NKD2: variants seen among roughly 807,000 people sequenced by gnomAD.
The protein encoded by NKD2 is protein naked cuticle homolog 2.
Under a neutral mutation model 34.8 loss-of-function variants are expected in NKD2, and 43 were observed. That is an observed-to-expected ratio of 1.24 (90% CI 0.97 to 1.60). NKD2 has a LOEUF of 1.60. Ranked by LOEUF, NKD2 falls within the 40% of genes most tolerant of loss-of-function variation. The pLI, the probability that NKD2 is intolerant of heterozygous loss-of-function variation, is 0.00. For synonymous variants in NKD2, 278 were observed against 265.1 expected, an observed-to-expected ratio of 1.05 and a Z score of -0.47; for missense variants, 675 against 627.1, an observed-to-expected ratio of 1.08 and a Z score of -0.82.
intron 3 of NKD2, among the ~76,000 whole-genome samples, chr5:1,018,972 G>A (rs566414812): frequency 5.9e-5 from 9 of 152,296 alleles, no homozygotes; most frequent in Non-Finnish European, 1.0e-4. Context: ...GGGACGTCAC[G>A]CCTCTGTCCA....
intron 7 of NKD2, 119 bp from the exon 8 acceptor site, chr5:1,035,266 ATGAG>A (rs758815011): frequency 6.3e-5 from 49 of 775,700 alleles, no homozygotes; most frequent in Non-Finnish European, 9.5e-5. Flanking sequence ...GAGTTAATGA[ATGAG>A]TGAACCAGTG....
At chr5:1,016,165 G>A (rs185262510) in intron 3 of NKD2, among the ~76,000 whole-genome samples, 29 of 152,368 alleles carry the variant, frequency 1.9e-4, no homozygotes, top group Admixed American at 1.8e-3. Flanking sequence ...AGGGACACAC[G>A]GTGCTGACCT....
intron 8 of NKD2, 46 bp downstream of exon 8, chr5:1,035,519 A>AC: frequency 7.0e-7 from 1 of 1,435,738 alleles, no homozygotes; most frequent in South Asian, 1.2e-5. Context: ...AGGCGGGGGC[A>AC]CCCTGGCCAC....
Position 1,033,504 on chromosome 5 carries a change from G to GT in NKD2, c.330+6dup, listed in dbSNP as rs1310053059. The GT allele has an allele frequency of 7.1e-6, 11 of 1,546,810 alleles. No homozygotes were observed. Among genetic ancestry groups the GT allele is most frequent in the Non-Finnish European group, 8.7e-6 (10 of 1,144,582 alleles). On this transcript the variant is annotated splice_donor_region_variant and intron_variant, in intron 5 of 9. Transcript: ENST00000296849. ...GGGCAGCGCCTCAACATTGACGTGG[G>GT]TCTCTCTCCGGCCTCACTTGCGGGA...
At chr5:1,018,966 C>T (rs923188962) in intron 3 of NKD2, among the ~76,000 whole-genome samples, 2 of 152,146 alleles carry the variant, frequency 1.3e-5, no homozygotes, top group South Asian at 4.1e-4. Context: ...CAGGTGGGGA[C>T]GTCACGCCTC....
At chr5:1,028,574 C>T (rs559783390) in intron 3 of NKD2, among the ~76,000 whole-genome samples, 19 of 152,014 alleles carry the variant, frequency 1.2e-4, no homozygotes, top group South Asian at 2.1e-4. Flanking sequence ...ATGCCATGGG[C>T]GGGAGGGGAC....
chr5:1,033,538 C>G (rs1756732279), intron 5 of NKD2, 39 bp downstream of exon 5: 1 of 1,525,526 alleles, frequency 6.6e-7, no homozygotes, highest in African/African-American at 1.4e-5. Context: ...GAACACGTCC[C>G]TGGGGCCGGG....
intron 3 of NKD2, among the ~76,000 whole-genome samples, chr5:1,016,236 C>T (rs944912951): frequency 6.6e-5 from 10 of 152,386 alleles, no homozygotes; most frequent in African/African-American, 1.9e-4. Context: ...GCAGAGACCC[C>T]GATCCGCTCT....
At chr5:1,027,331 G>A (rs1272885010) in intron 3 of NKD2, among the ~76,000 whole-genome samples, 5 of 152,234 alleles carry the variant, frequency 3.3e-5, no homozygotes, top group Non-Finnish European at 5.9e-5. Flanking sequence ...GGAGAGGCCC[G>A]TCCTGTGTCA....
chr5:1,034,561 C>T (rs1733740596), intron 6 of NKD2, among the ~76,000 whole-genome samples, 195 bp from the exon 7 acceptor site: 1 of 152,228 alleles, frequency 6.6e-6, no homozygotes, highest in Non-Finnish European at 1.5e-5. Flanking sequence ...GCCCTCAGGG[C>T]ACTGGAGGCG....
At chr5:1,011,628 C>T (rs949586978) in intron 3 of NKD2, among the ~76,000 whole-genome samples, 1 of 152,192 alleles carries the variant, frequency 6.6e-6, no homozygotes, top group African/African-American at 2.4e-5. Flanking sequence ...TCCTGGGTGC[C>T]ACAGAACGGT....
intron 3 of NKD2, among the ~76,000 whole-genome samples, chr5:1,010,927 C>T (rs1039154661): frequency 3.3e-5 from 5 of 152,258 alleles, no homozygotes; most frequent in South Asian, 2.1e-4. Context: ...CCTGAGCCAG[C>T]GCCCTCACCA....
intron 3 of NKD2, among the ~76,000 whole-genome samples, chr5:1,016,776 C>T (rs575055471): frequency 2.6e-4 from 39 of 152,346 alleles, no homozygotes; most frequent in African/African-American, 9.1e-4. Context: ...GGGGACGTGA[C>T]AAGAGCTACA....
At chr5:1,021,761 T>C (rs942100341) in intron 3 of NKD2, among the ~76,000 whole-genome samples, 18 of 152,062 alleles carry the variant, frequency 1.2e-4, no homozygotes, top group Non-Finnish European at 2.6e-4. Flanking sequence ...AAACACTCTC[T>C]TCCGCAGACG....
chr5:1,036,502 AACCCCCCCCAC>A (rs1561001282), intron 9 of NKD2, 118 bp downstream of exon 9: 1 of 48,660 alleles, frequency 2.1e-5, no homozygotes, highest in African/African-American at 1.6e-4. Flanking sequence ...GCCCCCCCCC[AACCCCCCCCAC>A]CCCACCCCAC....
rs187907791 is a variant in NKD2, at chr5:1,016,509, G to A, written c.141+6949G>A. Reference sequence around the variant, plus strand: ...AGTTTTGCGCACCAAAATCAGAGAAGCTAAAAAGCACGAAATATTGTAATA... The same window carrying A: ...AGTTTTGCGCACCAAAATCAGAGAAACTAAAAAGCACGAAATATTGTAATA... On this transcript the variant is annotated intron_variant, in intron 3 of 9. Transcript: ENST00000296849. Among the ~76,000 whole-genome samples the A allele has an allele frequency of 3.9e-5, 6 of 152,312 alleles. 1 individual carries two copies. In the East Asian group the frequency reaches 1.2e-3, roughly 29 times the overall value.
At chr5:1,037,385 C>A (rs1021866012) in intron 9 of NKD2, 2 of 792,538 alleles carry the variant, frequency 2.5e-6, no homozygotes, top group Non-Finnish European at 4.0e-6. Context: ...CCCTACAGGG[C>A]TCGCACTGCA....
intron 8 of NKD2, 158 bp from the exon 9 acceptor site, chr5:1,036,095 ACTGT>A (rs760700433): frequency 5.8e-5 from 77 of 1,337,146 alleles, no homozygotes; most frequent in Non-Finnish European, 6.9e-5. Flanking sequence ...ACGGCACTTG[ACTGT>A]CTGTGCCCAG....
At chr5:1,011,794 A>G (rs1014626804) in intron 3 of NKD2, among the ~76,000 whole-genome samples, 2 of 152,242 alleles carry the variant, frequency 1.3e-5, no homozygotes, top group South Asian at 2.1e-4. Flanking sequence ...GAAAACACCA[A>G]CAGCAGCACT....
Sources: gnomAD v4.1 joint callset for allele counts (sites outside exome capture counted in the v4.1 genomes callset) on GRCh38, gnomAD v4.1.1 for gene constraint, MANE v1.5 for transcripts, NCBI Gene and HGNC (gene_info 2026-07-23, HGNC 2026-07-21) for gene names.